The following PHACTR1 variants were observed in gnomAD, a reference collection of about 807,000 sequenced individuals.
The protein encoded by PHACTR1 is RPEL repeat containing 1.
Under a neutral mutation model 69.2 loss-of-function variants are expected in PHACTR1, and 16 were observed. The observed-to-expected ratio is 0.23, with a 90% CI of 0.16 to 0.35. PHACTR1 has a LOEUF of 0.35. Among genes scored for constraint, PHACTR1 ranks in the 10% least tolerant of loss-of-function variants. The probability of loss-of-function intolerance (pLI) is 1.00; values close to 1 mark genes in which losing one functional copy is unlikely to be tolerated. For missense variants in PHACTR1, 510 were observed against 734.7 expected, an observed-to-expected ratio of 0.69 and a Z score of 3.54; for synonymous variants, 312 against 284.5, an observed-to-expected ratio of 1.10 and a Z score of -0.97.
At chr6:12,995,589 C>T (rs945976886) in intron 4 of PHACTR1, among the ~76,000 whole-genome samples, 7 of 151,798 alleles carry the variant, frequency 4.6e-5, no homozygotes, top group Non-Finnish European at 1.0e-4. Context: ...ATTACGTATC[C>T]ATTAATACTT....
chr6:12,733,675 C>T (rs149857449), intron 3 of PHACTR1, among the ~76,000 whole-genome samples: 1 of 152,284 alleles, frequency 6.6e-6, no homozygotes, highest in African/African-American at 2.4e-5. Context: ...GGATTAAAGC[C>T]CCTGCAGCCT....
intron 4 of PHACTR1, among the ~76,000 whole-genome samples, chr6:12,847,080 G>A (rs573815783): frequency 6.6e-6 from 1 of 152,176 alleles, no homozygotes; most frequent in African/African-American, 2.4e-5. Flanking sequence ...GCCTCCCAAA[G>A]GGCTGGGATT....
chr6:12,975,412 AACTTC>A lies in PHACTR1; in HGVS notation c.251-77949_251-77945del, dbSNP rs1582787201. 3.3e-5 allele frequency among the ~76,000 whole-genome samples: 5 copies of A among 152,288 alleles called. No individual in the cohort carries two copies. In the East Asian group the frequency reaches 9.6e-4, roughly 29 times the overall value. On this transcript the variant is annotated intron_variant, in intron 4 of 14. Coordinates refer to ENST00000332995, the MANE Select transcript of PHACTR1 (RefSeq NM_030948.6). ...ATTATTTATATGAAAATACTCTTAA[AACTTC>A]ACTCTGCAAAAATCTGCAATGAATT...
chr6:13,185,554 G>A (rs1445750892), intron 7 of PHACTR1, among the ~76,000 whole-genome samples: 1 of 152,020 alleles, frequency 6.6e-6, no homozygotes, highest in East Asian at 1.9e-4. Flanking sequence ...TAAAATGATT[G>A]CACACGTCCT....
rs540778150 is a variant in PHACTR1, at chr6:13,000,715, A to G, written c.251-52650A>G. ...GAGAGAAAAACAAAGGTGGTGGAAGATGCAGCTATAGAGGAAGATTAAGCC... is the reference window on the plus strand; with the variant it reads ...GAGAGAAAAACAAAGGTGGTGGAAGGTGCAGCTATAGAGGAAGATTAAGCC... On this transcript the variant is annotated intron_variant, in intron 4 of 14. Transcript: ENST00000332995. Among the ~76,000 whole-genome samples, 8 of 151,972 alleles carry G rather than the reference A, an allele frequency of 5.3e-5. No homozygotes were observed. The East Asian group carries it at 1.6e-3, about 29-fold the overall frequency.
Position 13,182,523 on chromosome 6 carries a change from G to A in PHACTR1, c.501G>A (p.Gly167=), listed in dbSNP as rs1221039593. The change falls in exon 7 of 15, where the codon GGG becomes GGA. Residue 167 remains glycine (G), a synonymous_variant. Coordinates refer to ENST00000332995, the MANE Select transcript of PHACTR1 (RefSeq NM_030948.6). ...GVLKEIYDKD[G]ELSISNEEDS... ...ATCTCCTTTTCTCTCTGACAGATGG[G>A]GAACTCTCTATATCCAATGAAGAGG... 4.3e-6 allele frequency: 7 copies of A among 1,613,806 alleles called. No homozygotes were observed. The Admixed American group carries it at 1.0e-4, about 23-fold the overall frequency.
At chr6:13,170,026 G>C (rs917884863) in intron 6 of PHACTR1, among the ~76,000 whole-genome samples, 9 of 152,214 alleles carry the variant, frequency 5.9e-5, no homozygotes, top group Non-Finnish European at 1.0e-4. Flanking sequence ...TTCATCAGCT[G>C]TGTACCATGG....
At chr6:13,229,548 T>A (rs1174561018) in intron 9 of PHACTR1, among the ~76,000 whole-genome samples, 1 of 151,024 alleles carries the variant, frequency 6.6e-6, no homozygotes, top group East Asian at 2.0e-4. Flanking sequence ...TCCCCCCAGC[T>A]CCAGTGTAGT....
At chr6:12,789,597 A>G (rs1771978065) in intron 4 of PHACTR1, among the ~76,000 whole-genome samples, 1 of 152,094 alleles carries the variant, frequency 6.6e-6, no homozygotes, top group Non-Finnish European at 1.5e-5. Flanking sequence ...CCTCACTCAA[A>G]TGGCCAACAC....
chr6:12,919,419 G>C (rs541462254), intron 4 of PHACTR1, among the ~76,000 whole-genome samples: 6 of 152,304 alleles, frequency 3.9e-5, no homozygotes, highest in African/African-American at 1.4e-4. Context: ...GGGAGTACAG[G>C]CATGAGCCAC....
At chr6:13,100,014 A>G (rs1353558418) in intron 5 of PHACTR1, among the ~76,000 whole-genome samples, 1 of 152,218 alleles carries the variant, frequency 6.6e-6, no homozygotes, top group Non-Finnish European at 1.5e-5. Flanking sequence ...TGAGTGTGTT[A>G]TGAAACCCTG....
In PHACTR1 at chr6:13,200,589, A is replaced by C. The variant is rs186437297; in HGVS notation, c.665-5226A>C. Among the ~76,000 whole-genome samples the C allele has an allele frequency of 1.5e-3, 225 of 152,292 alleles. 2 individuals carry two copies. The highest frequency in any genetic ancestry group is 2.5e-3 in the South Asian group (12 of 4,830). On this transcript the variant is annotated intron_variant, in intron 7 of 14. Coordinates refer to ENST00000332995, the MANE Select transcript of PHACTR1 (RefSeq NM_030948.6). The stretch of plus-strand genomic sequence containing the variant: ...TCTAAGAAATAGTGCCCTTTTGTTC[A>C]GAGAAAAGGACAAAAGTAAGAGGCC...
In PHACTR1 at chr6:12,777,241, A is replaced by ATATT. The variant is rs935217184; in HGVS notation, c.250+27452_250+27453insATTT. On this transcript the variant is annotated intron_variant, in intron 4 of 14. Transcript: ENST00000332995. Reference sequence around the variant, plus strand: ...CGGTTTTATATATATATATATATATATTTTTTTAATTTTTATTTTAGGTTC... The same window carrying ATATT: ...CGGTTTTATATATATATATATATATATATTTTTTTTTAATTTTTATTTTAGGTTC... Among the ~76,000 whole-genome samples the ATATT allele has an allele frequency of 1.6e-3, 217 of 134,164 alleles. 1 individual carries two copies. Among genetic ancestry groups the ATATT allele is most frequent in the African/African-American group, 4.3e-3 (161 of 37,124 alleles). The allele number at this position is 134,164 out of a possible 152,430, so 88.0% of individuals were successfully genotyped here.
chr6:13,243,305 T>G (rs1247506309), intron 10 of PHACTR1, among the ~76,000 whole-genome samples: 1 of 151,934 alleles, frequency 6.6e-6, no homozygotes, highest in Non-Finnish European at 1.5e-5. Flanking sequence ...TAACCACTTA[T>G]GAGCTTAAAA....
At chr6:12,866,623 G>A (rs1415703279) in intron 4 of PHACTR1, among the ~76,000 whole-genome samples, 1 of 152,086 alleles carries the variant, frequency 6.6e-6, no homozygotes, top group Non-Finnish European at 1.5e-5. Context: ...CTGATTTGGG[G>A]TAATTGAGAA....
rs1765009028 is a variant in PHACTR1, at chr6:13,200,150, C to A, written c.665-5665C>A. On this transcript the variant is annotated intron_variant, in intron 7 of 14. Transcript: ENST00000332995. ...TCCCTGCCTCAGGCAGCACCATACACCAAGCGATTTAGCACCCTGAGCCAG... is the reference window on the plus strand; with the variant it reads ...TCCCTGCCTCAGGCAGCACCATACAACAAGCGATTTAGCACCCTGAGCCAG... Among the ~76,000 whole-genome samples, 3 of 152,212 alleles carry A rather than the reference C, an allele frequency of 2.0e-5. No homozygotes were observed. In the South Asian group the frequency reaches 6.2e-4, roughly 32 times the overall value.
At chr6:13,244,217 AGGGAGTGCGCGAATAGGTGT>A (rs1160999292) in intron 10 of PHACTR1, among the ~76,000 whole-genome samples, 1 of 152,132 alleles carries the variant, frequency 6.6e-6, no homozygotes, top group Non-Finnish European at 1.5e-5. Flanking sequence ...TCAAAAGGGG[AGGGAGTGCGCGAATAGGTGT>A]CGGTGACAGA....
chr6:12,917,672 T>A (rs1002483147), intron 4 of PHACTR1, among the ~76,000 whole-genome samples: 1 of 152,136 alleles, frequency 6.6e-6, no homozygotes, highest in Non-Finnish European at 1.5e-5. Flanking sequence ...GGAGGTTTGC[T>A]TGAGCCCAGG....
intron 7 of PHACTR1, among the ~76,000 whole-genome samples, chr6:13,187,085 C>CTCCTG (rs1235368161): frequency 1.4e-4 from 22 of 152,074 alleles, no homozygotes; most frequent in Non-Finnish European, 4.4e-5. Flanking sequence ...GGAGGTGGAG[C>CTCCTG]TCAGGAGGTA....
Sources: gnomAD v4.1 joint callset for allele counts (sites outside exome capture counted in the v4.1 genomes callset) on GRCh38, gnomAD v4.1.1 for gene constraint, MANE v1.5 for transcripts, NCBI Gene and HGNC (gene_info 2026-07-23, HGNC 2026-07-21) for gene names.